DSCAM: variants seen among roughly 807,000 people sequenced by gnomAD.
The protein encoded by DSCAM is DS cell adhesion molecule.
A neutral mutation model predicts 217.7 loss-of-function variants in DSCAM; 47 were observed. That is an observed-to-expected ratio of 0.22 (90% confidence interval 0.17 to 0.28). The LOEUF (loss-of-function observed/expected upper bound fraction) is 0.28, where lower values mean the gene tolerates loss of function less well. Ranked by LOEUF, DSCAM falls within the 10% of genes least tolerant of loss-of-function variation. The pLI is 1.00. For synonymous variants in DSCAM, 1,056 were observed against 1,015.3 expected (o/e 1.04, Z -0.76); for missense variants, 2,080 against 2,618.3 (o/e 0.79, Z 4.49).
Position 40,062,851 on chromosome 21 carries a change from G to A in DSCAM, c.4919+18C>T. The A allele has an allele frequency of 6.3e-7, 1 of 1,581,410 alleles. No individual in the cohort carries two copies. Among genetic ancestry groups the A allele is most frequent in the Non-Finnish European group, 8.6e-7 (1 of 1,168,286 alleles). ...TTCTTTCAAACATGATATCTGGGGT[G>A]CTAGGTCTTGTTCTTACCTCATGAG... On this transcript the variant is annotated intron_variant, in intron 28 of 32. Transcript: ENST00000400454.
intron 2 of DSCAM, among the ~76,000 whole-genome samples, chr21:40,702,900 TC>T (rs2090672763): frequency 6.6e-6 from 1 of 152,224 alleles, no homozygotes; most frequent in African/African-American, 2.4e-5. Context: ...AATATTACAC[TC>T]CCATGTCTTC....
intron 3 of DSCAM, among the ~76,000 whole-genome samples, chr21:40,478,830 A>G (rs183200025): frequency 2.8e-4 from 43 of 152,322 alleles, no homozygotes; most frequent in African/African-American, 9.1e-4. Context: ...TTTTCTATAC[A>G]TCCACACCTG....
intron 3 of DSCAM, among the ~76,000 whole-genome samples, chr21:40,472,841 C>T (rs2075900440): frequency 6.6e-6 from 1 of 152,098 alleles, no homozygotes; most frequent in Non-Finnish European, 1.5e-5. Flanking sequence ...ATGTGTGATG[C>T]AGAAACCAGG....
intron 3 of DSCAM, among the ~76,000 whole-genome samples, chr21:40,537,029 G>A (rs11911982): frequency 0.023 from 3,471 of 152,176 alleles, 125 homozygotes; most frequent in African/African-American, 0.079. Context: ...AAAAGGCAGA[G>A]GATTTTCTAC....
At chr21:40,715,482 C>G (rs1026319157) in intron 1 of DSCAM, among the ~76,000 whole-genome samples, 2 of 152,196 alleles carry the variant, frequency 1.3e-5, no homozygotes, top group Non-Finnish European at 2.9e-5. Flanking sequence ...AGCGATAGCT[C>G]TTACCCACAG....
intron 26 of DSCAM, among the ~76,000 whole-genome samples, chr21:40,077,977 G>A (rs118107662): frequency 2.0e-3 from 303 of 152,326 alleles, no homozygotes; most frequent in Non-Finnish European, 3.6e-3. Context: ...CTACTAAGTT[G>A]CAGTCGAGGA....
chr21:40,119,912 A>T (rs1335595756), intron 20 of DSCAM, among the ~76,000 whole-genome samples: 2 of 150,632 alleles, frequency 1.3e-5, no homozygotes, highest in Non-Finnish European at 3.0e-5. Flanking sequence ...CCACTTTTCC[A>T]CTCCTTGAGA....
chr21:40,290,252 T>C (rs928115446), intron 10 of DSCAM, among the ~76,000 whole-genome samples: 2 of 152,178 alleles, frequency 1.3e-5, no homozygotes, highest in African/African-American at 4.8e-5. Flanking sequence ...AACCTGAATC[T>C]ACATATTAAA....
chr21:40,014,835 A>G (rs1435293877), intron 32 of DSCAM, among the ~76,000 whole-genome samples: 1 of 152,244 alleles, frequency 6.6e-6, no homozygotes, highest in Non-Finnish European at 1.5e-5. Context: ...ACCATCAGCT[A>G]CTGAAAGGTC....
intron 3 of DSCAM, among the ~76,000 whole-genome samples, chr21:40,614,791 T>C (rs1244654762): frequency 2.6e-5 from 4 of 152,150 alleles, no homozygotes; most frequent in African/African-American, 9.7e-5. Flanking sequence ...TGCAGGTCGA[T>C]GTGGTATCAA....
chr21:40,393,309 C>T (rs780580076), intron 3 of DSCAM, among the ~76,000 whole-genome samples: 36 of 152,184 alleles, frequency 2.4e-4, no homozygotes, highest in Non-Finnish European at 4.6e-4. Context: ...GCACTCAATC[C>T]ATAACAGCTC....
chr21:40,320,230 C>T lies in DSCAM; in HGVS notation c.1784-7871G>A, dbSNP rs545071185. Among the ~76,000 whole-genome samples, 7 of 152,156 alleles carry T rather than the reference C, an allele frequency of 4.6e-5. No homozygotes were observed. In the East Asian group the frequency reaches 5.8e-4, roughly 13 times the overall value. On this transcript the variant is annotated intron_variant, in intron 8 of 32. Transcript: ENST00000400454. ...AAATAAAATAGAAGAACATTATGTC[C>T]GCTATAGTTACTGATGTGATAAAAA... is the stretch of plus-strand genomic sequence containing the variant.
intron 1 of DSCAM, among the ~76,000 whole-genome samples, chr21:40,810,599 G>C (rs2091829271): frequency 6.6e-6 from 1 of 152,138 alleles, no homozygotes; most frequent in African/African-American, 2.4e-5. Flanking sequence ...TCCAGCTGAG[G>C]TAATAATGAA....
intron 3 of DSCAM, among the ~76,000 whole-genome samples, chr21:40,683,037 G>A (rs2090431655): frequency 6.6e-6 from 1 of 152,182 alleles, no homozygotes; most frequent in Admixed American, 6.5e-5. Flanking sequence ...CAGCAGGAAG[G>A]CGTCCATCTG....
intron 18 of DSCAM, among the ~76,000 whole-genome samples, chr21:40,139,107 G>A (rs932853317): frequency 2.0e-5 from 3 of 150,436 alleles, no homozygotes; most frequent in African/African-American, 4.9e-5. Flanking sequence ...GTGGTGTGGT[G>A]TGTGGTGTGT....
chr21:40,554,577 G>A (rs2076656438), intron 3 of DSCAM, among the ~76,000 whole-genome samples: 1 of 152,072 alleles, frequency 6.6e-6, no homozygotes. Context: ...AAGAATATGA[G>A]TAACAAATCT....
chr21:40,620,005 GAGAAAAAAGAAAA>G (rs1601794703), intron 3 of DSCAM, among the ~76,000 whole-genome samples: 2 of 97,842 alleles, frequency 2.0e-5, no homozygotes, highest in East Asian at 6.6e-4. Flanking sequence ...GAGAAAGAGA[GAGAAAAAAGAAAA>G]AGAAAGAAAG....
In DSCAM at chr21:40,682,972, G is replaced by A. The variant is rs536228980; in HGVS notation, c.508+9838C>T. Among the ~76,000 whole-genome samples, 17 of 152,156 alleles carry A rather than the reference G, an allele frequency of 1.1e-4. No homozygotes were observed. In the East Asian group the frequency reaches 1.2e-3, roughly 10 times the overall value. On this transcript the variant is annotated intron_variant, in intron 3 of 32. Transcript: ENST00000400454. ...CGGGTCATAAGGGTGGCCCCTAATC[G>A]GATAGAATTAGTGTCCTTGCAAGAA...
chr21:40,724,835 C>T (rs995873953), intron 1 of DSCAM, among the ~76,000 whole-genome samples: 1 of 152,210 alleles, frequency 6.6e-6, no homozygotes, highest in Non-Finnish European at 1.5e-5. Flanking sequence ...TTTGCTAGAA[C>T]TTCACTATGT....
Sources: allele counts gnomAD v4.1 joint callset (sites outside exome capture counted in the v4.1 genomes callset), GRCh38; gene constraint gnomAD v4.1.1; transcripts MANE v1.5; gene names NCBI Gene and HGNC (gene_info 2026-07-23, HGNC 2026-07-21).